STPG1: variants seen among roughly 807,000 people sequenced by gnomAD.
The protein encoded by STPG1 is O(6)-methylguanine-induced apoptosis 2.
In STPG1, 33 loss-of-function variants were observed where a neutral mutation model predicts 40.1. The observed-to-expected ratio is 0.82, with a 90% CI of 0.62 to 1.10. The LOEUF is 1.10. STPG1 is among the 50% of genes least tolerant of loss of function. The pLI is 0.00. For missense variants in STPG1, 396 were observed against 415.1 expected (o/e 0.95, Z 0.40); for synonymous variants, 150 against 155.0 (o/e 0.97, Z 0.24).
chr1:24,387,411 T>C (rs539923), intron 3 of STPG1, among the ~76,000 whole-genome samples: 106,263 of 151,972 alleles, frequency 0.7, 38,185 homozygotes, highest in African/African-American at 0.89. Context: ...CCCAAGGAGC[T>C]CCTAGGCAGG....
intron 1 of STPG1, chr1:24,412,125 TG>T (rs1256545615): frequency 6.6e-6 from 1 of 152,234 alleles, no homozygotes; most frequent in African/African-American, 2.4e-5. Flanking sequence ...CAATATAAAA[TG>T]CATTTACCAT....
chr1:24,363,578 A>G (rs1187399024), intron 7 of STPG1, among the ~76,000 whole-genome samples: 1 of 152,242 alleles, frequency 6.6e-6, no homozygotes, highest in Non-Finnish European at 1.5e-5. Context: ...CCTCATCTGT[A>G]AAACAGTGGA....
At chr1:24,409,761 T>G (rs547026244) in intron 1 of STPG1, among the ~76,000 whole-genome samples, 4 of 152,202 alleles carry the variant, frequency 2.6e-5, no homozygotes, top group Non-Finnish European at 5.9e-5. Flanking sequence ...AGTCACTTAG[T>G]AGCCATCTCG....
chr1:24,379,153 A>T (rs1158630208), intron 5 of STPG1: 1 of 158,872 alleles, frequency 6.3e-6, no homozygotes, highest in Non-Finnish European at 1.4e-5. Context: ...TGAGAGCTAA[A>T]CCAAACCTTC....
chr1:24,360,663 C>G (rs1641044628), intron 8 of STPG1, among the ~76,000 whole-genome samples, 188 bp downstream of exon 8: 1 of 152,162 alleles, frequency 6.6e-6, no homozygotes, highest in Non-Finnish European at 1.5e-5. Context: ...CTCTAAGAGC[C>G]CTTTCACCTT....
chr1:24,410,499 C>A (rs980163071), intron 1 of STPG1, among the ~76,000 whole-genome samples: 5 of 152,186 alleles, frequency 3.3e-5, no homozygotes, highest in Non-Finnish European at 7.3e-5. Flanking sequence ...GTCCCAGCTA[C>A]TCAGGAGACT....
chr1:24,372,555 C>A (rs1372146429), intron 6 of STPG1, among the ~76,000 whole-genome samples: 1 of 152,172 alleles, frequency 6.6e-6, no homozygotes, highest in Non-Finnish European at 1.5e-5. Context: ...TCTGGCCAAC[C>A]CCAGGGATGC....
chr1:24,404,211 T>C (rs1459884213), intron 1 of STPG1, among the ~76,000 whole-genome samples: 3 of 152,212 alleles, frequency 2.0e-5, no homozygotes, highest in African/African-American at 7.2e-5. Context: ...TCTTTGTGAA[T>C]ATATTAATTG....
rs564530340 is a variant in STPG1, at chr1:24,383,996, A to G, written c.197T>C (p.Ile66Thr). 6 of 1,608,746 alleles carry G rather than the reference A, an allele frequency of 3.7e-6. No homozygotes were observed. In the South Asian group the frequency reaches 4.4e-5, roughly 12 times the overall value. Reference protein sequence around the residue: ...AKRFPHKKNDIPGPGFYNVIH... With the variant: ...AKRFPHKKNDTPGPGFYNVIH... ...AACATTGTAGAACCCAGGTCCTGGG[A>G]TATCATTCTGAAAGGGAAGAGAAGG... The change falls in exon 4 of 9, where the codon ATC becomes ACC. Residue 66 changes from isoleucine (I) to threonine (T), a missense_variant. Physicochemically the swap from Ile to Thr is moderately conservative, Grantham distance 89. Coordinates refer to ENST00000337248, the MANE Select transcript of STPG1 (RefSeq NM_001199013.2).
Position 24,361,875 on chromosome 1 carries a change from C to G in STPG1, c.738-834G>C, listed in dbSNP as rs536510424. 5.9e-5 allele frequency among the ~76,000 whole-genome samples: 9 copies of G among 152,278 alleles called. No individual in the cohort carries two copies. The East Asian group carries it at 9.6e-4, about 16-fold the overall frequency. ...AAAGGAAGGGGTTGGACAAGATGAC[C>G]TCTGAGGTCCCTTCCTGCTGTGACC... On this transcript the variant is annotated intron_variant, in intron 7 of 8. Coordinates refer to ENST00000337248, the MANE Select transcript of STPG1 (RefSeq NM_001199013.2).
At chr1:24,364,777 T>G (rs1198188810) in intron 7 of STPG1, among the ~76,000 whole-genome samples, 1 of 152,200 alleles carries the variant, frequency 6.6e-6, no homozygotes, top group Admixed American at 6.5e-5. Context: ...TGAGCCTCAT[T>G]GCTCAGTTAT....
At chr1:24,410,203 C>A (rs1175286993) in intron 1 of STPG1, among the ~76,000 whole-genome samples, 1 of 152,182 alleles carries the variant, frequency 6.6e-6, no homozygotes, top group African/African-American at 2.4e-5. Context: ...CTGGCATCTA[C>A]TGGTGGTCTT....
At chr1:24,366,139 T>C (rs1276642704) in intron 7 of STPG1, among the ~76,000 whole-genome samples, 1 of 152,168 alleles carries the variant, frequency 6.6e-6, no homozygotes, top group African/African-American at 2.4e-5. Context: ...TGCCCAAGAA[T>C]GGGAAGCCCA....
At chr1:24,361,589 T>C (rs964368742) in intron 7 of STPG1, among the ~76,000 whole-genome samples, 1 of 152,068 alleles carries the variant, frequency 6.6e-6, no homozygotes, top group Non-Finnish European at 1.5e-5. Flanking sequence ...CACTGTAACA[T>C]TGACATTCCA....
At chr1:24,405,979 T>C (rs970343481) in intron 1 of STPG1, among the ~76,000 whole-genome samples, 2 of 152,118 alleles carry the variant, frequency 1.3e-5, no homozygotes, top group Non-Finnish European at 2.9e-5. Context: ...TTAGAGATGG[T>C]TTTTTAAAGA....
At chr1:24,379,337 A>G (rs1211077951) in intron 5 of STPG1, 3 of 269,000 alleles carry the variant, frequency 1.1e-5, no homozygotes, top group Non-Finnish European at 2.1e-5. Context: ...GTGGTAAATA[A>G]TACACCCATT....
At chr1:24,362,092 T>C (rs886375304) in intron 7 of STPG1, among the ~76,000 whole-genome samples, 1 of 152,132 alleles carries the variant, frequency 6.6e-6, no homozygotes, top group African/African-American at 2.4e-5. Context: ...CAAGGGAGCC[T>C]TCCCCAGCTT....
intron 1 of STPG1, among the ~76,000 whole-genome samples, chr1:24,405,571 C>G (rs1224420379): frequency 1.3e-5 from 2 of 152,132 alleles, no homozygotes; most frequent in Non-Finnish European, 2.9e-5. Context: ...TCTTTTACAT[C>G]CTTACTGATT....
At chr1:24,401,521 T>A (rs1570093731) in intron 1 of STPG1, 65 bp from the exon 2 acceptor site, 1 of 739,660 alleles carries the variant, frequency 1.4e-6, no homozygotes, top group East Asian at 2.7e-5. Flanking sequence ...GCAAATGGGT[T>A]CTGTTCTATC....
Sources: allele counts gnomAD v4.1 joint callset (sites outside exome capture counted in the v4.1 genomes callset), GRCh38; gene constraint gnomAD v4.1.1; transcripts MANE v1.5; gene names NCBI Gene and HGNC (gene_info 2026-07-23, HGNC 2026-07-21).